Variants in CTF1 observed in about 807,000 individuals in gnomAD.
CTF1 encodes the protein cardiotrophin-1.
In CTF1, 9 loss-of-function variants were observed where a neutral mutation model predicts 10.9. That is an observed-to-expected ratio of 0.83 (90% CI 0.50 to 1.44). The LOEUF is 1.44. Among genes scored for constraint, CTF1 ranks in the 40% most tolerant of loss-of-function variants. The pLI is 0.00. For missense variants in CTF1, 259 were observed against 275.3 expected (o/e 0.94, Z 0.42); for synonymous variants, 133 against 138.8 (o/e 0.96, Z 0.29).
intron 1 of CTF1, among the ~76,000 whole-genome samples, chr16:30,899,147 C>T: frequency 6.6e-6 from 1 of 152,170 alleles, no homozygotes; most frequent in East Asian, 1.9e-4. Flanking sequence ...GATGAAATCG[C>T]CTAAGGATGC....
intron 2 of CTF1, among the ~76,000 whole-genome samples, chr16:30,899,761 T>G (rs1230741609): frequency 6.6e-6 from 1 of 152,106 alleles, no homozygotes; most frequent in East Asian, 1.9e-4. Flanking sequence ...TCCTCAGTGC[T>G]TTGTTTTTGA....
In CTF1 at chr16:30,903,305, T is replaced by C. The variant is rs1046276; in HGVS notation, c.*766T>C. 0.62 allele frequency: 94,489 copies of C among 153,024 alleles called. 29,789 individuals are homozygous for C. The highest frequency in any genetic ancestry group is 0.91 in the East Asian group (4,699 of 5,178). 9.5% of individuals were successfully genotyped at this position (153,024 alleles called of 1,614,324 possible). Reference sequence around the variant, plus strand: ...TGGTCCTATGGGGGGAAGGCTACTCTGCATCTCAGCCACCTTCCTCAGGCT... The same window carrying C: ...TGGTCCTATGGGGGGAAGGCTACTCCGCATCTCAGCCACCTTCCTCAGGCT... On this transcript the variant is annotated 3_prime_UTR_variant, in exon 3 of 3. Coordinates refer to ENST00000279804, the MANE Select transcript of CTF1 (RefSeq NM_001330.5).
At position 30,902,058 on chromosome 16, in the gene CTF1, C is replaced by G; in HGVS notation, c.145-20C>G. The G allele has an allele frequency of 1.4e-6, 2 of 1,445,044 alleles. No individual in the cohort carries two copies. Among genetic ancestry groups the G allele is most frequent in the Non-Finnish European group, 1.8e-6 (2 of 1,097,426 alleles). 89.5% of individuals were successfully genotyped at this position (1,445,044 alleles called of 1,614,324 possible). On this transcript the variant is annotated intron_variant, in intron 2 of 2. Coordinates refer to ENST00000279804, the MANE Select transcript of CTF1 (RefSeq NM_001330.5). ...CCCGTGCTCCGGGGCCCCGCTGACC[C>G]GCCGGCCGTGTCTCCGCAGGTGCAG...
Position 30,896,666 on chromosome 16 carries a change from T to TG in CTF1, c.25+1dup, listed in dbSNP as rs1362340396. On this transcript the variant is annotated frameshift_variant and splice_region_variant, in exon 1 of 3. Coordinates refer to ENST00000279804, the MANE Select transcript of CTF1 (RefSeq NM_001330.5). LOFTEE classifies it high-confidence loss of function. ...AGCATGAGCCGGAGGGAGGGAAGTC[T>TG]GGGTAAGGGGCTGAGGGACCGGACG... is the stretch of plus-strand genomic sequence containing the variant. 1 of 1,251,866 alleles carries TG rather than the reference T, an allele frequency of 8.0e-7. No homozygotes were observed. The highest frequency in any genetic ancestry group is 1.0e-6 in the Non-Finnish European group (1 of 989,690). 77.5% of individuals were successfully genotyped at this position (1,251,866 alleles called of 1,614,324 possible). A position where few individuals can be genotyped will look rare whatever the true frequency, so the allele number is the denominator to read the frequency against.
intron 1 of CTF1, among the ~76,000 whole-genome samples, chr16:30,897,493 C>T (rs893086027): frequency 3.3e-5 from 5 of 152,266 alleles, no homozygotes; most frequent in East Asian, 1.9e-4. Context: ...TACCCTGGAA[C>T]TCATGCAAAT....
intron 2 of CTF1, among the ~76,000 whole-genome samples, chr16:30,901,742 T>C (rs1001898613): frequency 3.1e-5 from 3 of 97,060 alleles, no homozygotes; most frequent in Non-Finnish European, 6.4e-5. Flanking sequence ...CCACACTCGC[T>C]ATTTTTTTTT....
rs372435048 is a variant in CTF1 at position 30,896,958 on chromosome 16, G to T, written c.25+290G>T. ...GAGGACTGGGGTCGGGGCTGGGGCA[G>T]GACCCCTGCGTCCACTGAGTCTCGG... On this transcript the variant is annotated intron_variant, in intron 1 of 2. Transcript: ENST00000279804. Among the ~76,000 whole-genome samples the T allele has an allele frequency of 2.8e-4, 42 of 152,274 alleles. 1 individual carries two copies. Among genetic ancestry groups the T allele is most frequent in the African/African-American group, 1.0e-3 (42 of 41,550 alleles).
At chr16:30,898,499 GC>G (rs1164055399) in intron 1 of CTF1, among the ~76,000 whole-genome samples, 1 of 151,422 alleles carries the variant, frequency 6.6e-6, no homozygotes, top group African/African-American at 2.4e-5. Context: ...CACCATGTTG[GC>G]CAGGCTGGTC....
upstream of CTF1, among the ~76,000 whole-genome samples, chr16:30,896,162 G>A (rs2055346230): frequency 6.6e-6 from 1 of 152,160 alleles, no homozygotes; most frequent in African/African-American, 2.4e-5. Context: ...AGCCATCTAA[G>A]ATAGGCCAGG....
In CTF1 at chr16:30,902,260, C is replaced by T. The variant is rs2055408411; in HGVS notation, c.327C>T (p.Ala109=). 9.2e-7 allele frequency: 1 copy of T among 1,082,574 alleles called. No individual in the cohort carries two copies. Among genetic ancestry groups the T allele is most frequent in the Non-Finnish European group, 1.1e-6 (1 of 894,756 alleles). 67.1% of individuals were successfully genotyped at this position (1,082,574 alleles called of 1,614,324 possible). A position where few individuals can be genotyped will look rare whatever the true frequency, so the allele number is the denominator to read the frequency against. The change falls in exon 3 of 3, where the codon GCC becomes GCT. Residue 109 remains alanine (A), a synonymous_variant. Transcript: ENST00000279804. ...PLLDAVCRRQ[A]ELNPRAPRLL... ...TGGACGCAGTGTGTCGCCGCCAGGC[C>T]GAGCTGAACCCGCGCGCGCCGCGCC...
upstream of CTF1, among the ~76,000 whole-genome samples, chr16:30,895,846 G>A (rs1039413332): frequency 2.0e-5 from 3 of 151,930 alleles, no homozygotes; most frequent in African/African-American, 2.4e-5. Flanking sequence ...ACACGCAAGC[G>A]CACACACACA....
chr16:30,898,644 C>A (rs908986521), intron 1 of CTF1, among the ~76,000 whole-genome samples: 1 of 151,948 alleles, frequency 6.6e-6, no homozygotes, highest in Non-Finnish European at 1.5e-5. Context: ...TTAACTGTAG[C>A]TTTTCTATGT....
At position 30,898,991 on chromosome 16, in the gene CTF1, T is replaced by C. The variant is rs781323971; in HGVS notation, c.26-424T>C. Among the ~76,000 whole-genome samples, 29 of 152,228 alleles carry C rather than the reference T, an allele frequency of 1.9e-4. 1 individual carries two copies. The highest frequency in any genetic ancestry group is 1.4e-3 in the South Asian group (7 of 4,830). ...ATGTTTAGATACACAAATACCACTGTGTTCCAGTTGCCTGCTGTACTGTAA... is the reference window on the plus strand; with the variant it reads ...ATGTTTAGATACACAAATACCACTGCGTTCCAGTTGCCTGCTGTACTGTAA... On this transcript the variant is annotated intron_variant, in intron 1 of 2. Transcript: ENST00000279804.
chr16:30,899,082 G>T (rs1320007331), intron 1 of CTF1, among the ~76,000 whole-genome samples: 1 of 152,152 alleles, frequency 6.6e-6, no homozygotes, highest in East Asian at 1.9e-4. Flanking sequence ...CGTGTAGCAG[G>T]CTGTACCACC....
chr16:30,896,559 G>A, upstream of CTF1: 1 of 1,200,220 alleles, frequency 8.3e-7, no homozygotes, highest in South Asian at 4.1e-5. Context: ...GATTGGCTGC[G>A]CCCGGGCCAC....
At chr16:30,896,594 C>T, upstream of CTF1, 1 of 1,252,992 alleles carries the variant, frequency 8.0e-7, no homozygotes, top group Non-Finnish European at 1.0e-6. Context: ...CCCCTTTCTC[C>T]CCCCTCGAAA....
At position 30,903,514 on chromosome 16, in the gene CTF1, A is replaced by AT. The variant is rs886051931; in HGVS notation, c.*981dup. 1 of 152,272 alleles carries AT rather than the reference A, an allele frequency of 6.6e-6. No homozygotes were observed. The highest frequency in any genetic ancestry group is 1.5e-5 in the Non-Finnish European group (1 of 68,052). The allele number at this position is 152,272 out of a possible 1,614,324, so 9.4% of individuals were successfully genotyped here. On this transcript the variant is annotated 3_prime_UTR_variant, in exon 3 of 3. Coordinates refer to ENST00000279804, the MANE Select transcript of CTF1 (RefSeq NM_001330.5). ...GAGTTTTATTTCTGAAAATAAATTAATTTTTTGTAAATAAAATGTTTAAAA... is the reference window on the plus strand; with the variant it reads ...GAGTTTTATTTCTGAAAATAAATTAATTTTTTTGTAAATAAAATGTTTAAAA...
intron 1 of CTF1, among the ~76,000 whole-genome samples, chr16:30,898,502 A>G (rs761408715): frequency 6.6e-6 from 1 of 151,858 alleles, no homozygotes; most frequent in Non-Finnish European, 1.5e-5. Context: ...CATGTTGGCC[A>G]GGCTGGTCTC....
upstream of CTF1, chr16:30,896,516 G>A (rs1055149431): frequency 2.4e-6 from 2 of 838,992 alleles, no homozygotes; most frequent in Non-Finnish European, 3.3e-6. Flanking sequence ...CTCAAAAGGG[G>A]GGGTAGGATG....
Sources: allele counts gnomAD v4.1 joint callset (sites outside exome capture counted in the v4.1 genomes callset), GRCh38; gene constraint gnomAD v4.1.1; transcripts MANE v1.5; gene names NCBI Gene and HGNC (gene_info 2026-07-23, HGNC 2026-07-21).